The following TATDN2 variants were observed in gnomAD, a reference collection of about 807,000 sequenced individuals.
The protein encoded by TATDN2 is 3'-5' RNA nuclease TATDN2.
In TATDN2, 44 loss-of-function variants were observed where a neutral mutation model predicts 60.3. That is an observed-to-expected ratio of 0.73 (90% confidence interval 0.57 to 0.94). TATDN2 has a LOEUF of 0.94. Among genes scored for constraint, TATDN2 ranks in the 40% least tolerant of loss-of-function variants. The pLI, the probability that TATDN2 is intolerant of heterozygous loss-of-function variation, is 0.00. For missense variants in TATDN2, 997 were observed against 948.0 expected (o/e 1.05, Z -0.68); for synonymous variants, 399 against 355.8 (o/e 1.12, Z -1.37).
At chr3:10,256,170 AT>A (rs908079856) in intron 2 of TATDN2, among the ~76,000 whole-genome samples, 38 of 147,072 alleles carry the variant, frequency 2.6e-4, no homozygotes, top group Admixed American at 8.8e-4. Context: ...TATTACTATT[AT>A]TTTTTTTTTT....
At position 10,248,822 on chromosome 3, in the gene TATDN2, C is replaced by G. The variant is rs1416071097; in HGVS notation, c.-252C>G. On this transcript the variant is annotated 5_prime_UTR_variant, in exon 1 of 8. Coordinates refer to ENST00000448281, the MANE Select transcript of TATDN2 (RefSeq NM_014760.4). The stretch of plus-strand genomic sequence containing the variant: ...TGAAGCGCCATGTGGTCTTCTGAAG[C>G]GCTTGACAGTTCTAAAGGGCTTTAT... The G allele has an allele frequency of 4.4e-5, 1 of 22,542 alleles. No individual in the cohort carries two copies. The highest frequency in any genetic ancestry group is 6.5e-5 in the Non-Finnish European group (1 of 15,448). 1.4% of individuals were successfully genotyped at this position (22,542 alleles called of 1,614,324 possible).
intron 2 of TATDN2, among the ~76,000 whole-genome samples, chr3:10,254,360 G>C (rs1323074253): frequency 6.6e-6 from 1 of 152,176 alleles, no homozygotes; most frequent in East Asian, 1.9e-4. Context: ...GGACATTTCG[G>C]GCATAGGGAG....
chr3:10,249,286 C>A lies in TATDN2; in HGVS notation c.86C>A (p.Pro29His). 2 of 1,601,356 alleles carry A rather than the reference C, an allele frequency of 1.2e-6. No individual in the cohort carries two copies. The highest frequency in any genetic ancestry group is 1.7e-6 in the Non-Finnish European group (2 of 1,171,894). ...CGCAAGCGCAGCTGCCTCCGGGAGC[C>A]CTGTGATGTGGCCCCCTCCAGCCGG... ...CPRKRSCLRE[P>H]CDVAPSSRPA... Residue 29 changes from proline to histidine, a missense_variant, in exon 2 of 8, where the codon CCC (proline) becomes CAC (histidine). Pro to His is a moderately conservative substitution (Grantham distance 77). Transcript: ENST00000448281.
intron 2 of TATDN2, among the ~76,000 whole-genome samples, chr3:10,253,201 A>G (rs753727108): frequency 1.3e-4 from 19 of 151,346 alleles, no homozygotes; most frequent in African/African-American, 4.9e-5. Context: ...GAGTCTCCCT[A>G]TGTTGACCAG....
At chr3:10,267,777 T>C (rs1288696292) in intron 3 of TATDN2, among the ~76,000 whole-genome samples, 1 of 152,226 alleles carries the variant, frequency 6.6e-6, no homozygotes, top group East Asian at 1.9e-4. Context: ...CCTCCAATTA[T>C]TTTGCAGACA....
intron 3 of TATDN2, among the ~76,000 whole-genome samples, chr3:10,266,290 C>G (rs1698473943): frequency 6.6e-6 from 1 of 152,192 alleles, no homozygotes; most frequent in South Asian, 2.1e-4. Context: ...TGTTTTCTGT[C>G]TAATGTAGAT....
chr3:10,278,097 G>C lies in TATDN2; in HGVS notation c.1962-182G>C, dbSNP rs1474445245. On this transcript the variant is annotated intron_variant, in intron 5 of 7. Transcript: ENST00000448281. This position sits in a 1 kb window ranked among gnomAD's most constrained non-coding sequence, Gnocchi z 4.7. ...TGAGTGATCTCTGATCACTCACCAA[G>C]TGCCATCTCGGGGCTTCCTGTGTTG... Among the ~76,000 whole-genome samples the C allele has an allele frequency of 1.3e-5, 2 of 152,068 alleles. No homozygotes were observed. The highest frequency in any genetic ancestry group is 6.5e-5 in the Admixed American group (1 of 15,270).
chr3:10,271,428 C>T (rs1698562295), intron 4 of TATDN2, among the ~76,000 whole-genome samples: 3 of 152,086 alleles, frequency 2.0e-5, no homozygotes, highest in Admixed American at 2.0e-4. Flanking sequence ...GTTTTCCTGC[C>T]TCAGCCTCCC....
chr3:10,275,748 AAAAAC>A (rs199617801), intron 4 of TATDN2, among the ~76,000 whole-genome samples: 1 of 128,114 alleles, frequency 7.8e-6, no homozygotes, highest in African/African-American at 2.7e-5. Flanking sequence ...TCGGTCTCAA[AAAAAC>A]AAAACAAAAC....
rs1393587609 is a variant in TATDN2, at chr3:10,279,083, G to A, written c.*38+20G>A. 6.4e-7 allele frequency: 1 copy of A among 1,573,142 alleles called. No individual in the cohort carries two copies. The highest frequency in any genetic ancestry group is 8.6e-7 in the Non-Finnish European group (1 of 1,161,154). On this transcript the variant is annotated intron_variant, in intron 7 of 7. Coordinates refer to ENST00000448281, the MANE Select transcript of TATDN2 (RefSeq NM_014760.4). ...GAAAAGGTCGTAAAACTCACATTCT[G>A]TATTTTTTAAAAACCAGGACAAGTC...
Position 10,270,702 on chromosome 3 carries a change from C to A in TATDN2, c.1520C>A (p.Ser507Tyr). 1 of 1,614,218 alleles carries A rather than the reference C, an allele frequency of 6.2e-7. No homozygotes were observed. Among genetic ancestry groups the A allele is most frequent in the South Asian group, 1.1e-5 (1 of 91,088 alleles). ...DTHCHLDMLY[S>Y]KLSFQGTFTK... ...CATTGTCACCTGGACATGCTCTATT[C>A]CAAGCTATCTTTCCAAGGGACCTTT... is the stretch of plus-strand genomic sequence containing the variant. Residue 507 changes from serine (S) to tyrosine (Y), a missense_variant, in exon 4 of 8, where the codon TCC (serine) becomes TAC (tyrosine). By Grantham distance (144) the Ser-to-Tyr change is moderately radical. Coordinates refer to ENST00000448281, the MANE Select transcript of TATDN2 (RefSeq NM_014760.4).
In TATDN2 at chr3:10,278,980, C is replaced by T. The variant is rs764081902; in HGVS notation, c.2241C>T (p.Thr747=). The T allele has an allele frequency of 6.2e-7, 1 of 1,614,258 alleles. No individual in the cohort carries two copies. The highest frequency in any genetic ancestry group is 1.1e-5 in the South Asian group (1 of 91,090). The change falls in exon 7 of 8, where the codon ACC becomes ACT. Residue 747 remains threonine (T), a synonymous_variant. Coordinates refer to ENST00000448281, the MANE Select transcript of TATDN2 (RefSeq NM_014760.4). The surrounding 1 kb of genome is among the most constrained non-coding windows in gnomAD (Gnocchi z 4.7). ...TCAAAGATCAGCCACTCTCCCTCAC[C>T]TTGGCTGCCTTGCGTGAGAACACCA... The part of the protein sequence containing the change: ...ARVKDQPLSL[T]LAALRENTSR...
At position 10,278,728 on chromosome 3, in the gene TATDN2, C is replaced by G. The variant is rs1253416173; in HGVS notation, c.2146-157C>G. On this transcript the variant is annotated intron_variant, in intron 6 of 7. Coordinates refer to ENST00000448281, the MANE Select transcript of TATDN2 (RefSeq NM_014760.4). The surrounding 1 kb of genome is among the most constrained non-coding windows in gnomAD (Gnocchi z 4.7). ...AGCGTGGGACCCTGCTCACCCAGAGCCCCCATGACTAGGACTCTCCCTGCA... is the reference window on the plus strand; with the variant it reads ...AGCGTGGGACCCTGCTCACCCAGAGGCCCCATGACTAGGACTCTCCCTGCA... 2 of 1,176,236 alleles carry G rather than the reference C, an allele frequency of 1.7e-6. No homozygotes were observed. Among genetic ancestry groups the G allele is most frequent in the Non-Finnish European group, 2.5e-6 (2 of 814,978 alleles). The allele number at this position is 1,176,236 out of a possible 1,614,324, so 72.9% of individuals were successfully genotyped here.
chr3:10,254,349 A>G (rs1406040867), intron 2 of TATDN2, among the ~76,000 whole-genome samples: 1 of 152,208 alleles, frequency 6.6e-6, no homozygotes. Context: ...GGAGGGGGAC[A>G]GGACATTTCG....
At chr3:10,275,079 A>G (rs1006162486) in intron 4 of TATDN2, among the ~76,000 whole-genome samples, 6 of 146,950 alleles carry the variant, frequency 4.1e-5, no homozygotes, top group Admixed American at 2.1e-4. Flanking sequence ...TTTGCCTCCC[A>G]GGTTCAGGGG....
Position 10,249,068 on chromosome 3 carries a change from G to T in TATDN2, c.-7+1G>T. Reference sequence around the variant, plus strand: ...TGGGCAGTGGAAAGAAGAGGGAAAGGTCAGTGAGGCTAGCCCCTGGCTCTG... The same window carrying T: ...TGGGCAGTGGAAAGAAGAGGGAAAGTTCAGTGAGGCTAGCCCCTGGCTCTG... On this transcript the variant is annotated splice_donor_variant, in intron 1 of 7. Transcript: ENST00000448281. LOFTEE classifies it low-confidence loss of function (5UTR_SPLICE). 1.9e-6 allele frequency: 2 copies of T among 1,054,994 alleles called. No individual in the cohort carries two copies. Among genetic ancestry groups the T allele is most frequent in the Non-Finnish European group, 2.6e-6 (2 of 773,710 alleles). The allele number at this position is 1,054,994 out of a possible 1,614,324, so 65.4% of individuals were successfully genotyped here. A position where few individuals can be genotyped will look rare whatever the true frequency, so the allele number is the denominator to read the frequency against.
Position 10,278,356 on chromosome 3 carries a change from C to A in TATDN2, c.2039C>A (p.Ala680Glu). 6.2e-7 allele frequency: 1 copy of A among 1,614,190 alleles called. No individual in the cohort carries two copies. Among genetic ancestry groups the A allele is most frequent in the Non-Finnish European group, 8.5e-7 (1 of 1,180,022 alleles). ...YFPNMSVGFTAVLTYSSAWEA... is the reference protein window; with the variant it reads ...YFPNMSVGFTEVLTYSSAWEA... ...CCCAACATGTCTGTGGGCTTCACGGCAGTGCTGACATACTCCTCTGCCTGG... is the reference window on the plus strand; with the variant it reads ...CCCAACATGTCTGTGGGCTTCACGGAAGTGCTGACATACTCCTCTGCCTGG... Residue 680 changes from alanine to glutamate, a missense_variant, in exon 6 of 8, where the codon GCA becomes GAA. Physicochemically the swap from Ala to Glu is moderately radical, Grantham distance 107. Coordinates refer to ENST00000448281, the MANE Select transcript of TATDN2 (RefSeq NM_014760.4). The surrounding 1 kb of genome is among the most constrained non-coding windows in gnomAD (Gnocchi z 4.7).
chr3:10,255,017 C>CCCTCCT (rs1390291623), intron 2 of TATDN2, among the ~76,000 whole-genome samples: 23 of 132,504 alleles, frequency 1.7e-4, no homozygotes, highest in African/African-American at 7.0e-4. Context: ...TTCCCACTCC[C>CCCTCCT]CCTCCCCCTC....
chr3:10,270,807 C>T lies in TATDN2; in HGVS notation c.1625C>T (p.Thr542Ile), dbSNP rs1375030695. 1 of 1,614,212 alleles carries T rather than the reference C, an allele frequency of 6.2e-7. No individual in the cohort carries two copies. Among genetic ancestry groups the T allele is most frequent in the Non-Finnish European group, 8.5e-7 (1 of 1,180,032 alleles). The change falls in exon 4 of 8, where the codon ACC becomes ATC. Residue 542 changes from threonine to isoleucine, a missense_variant. Physicochemically the swap from Thr to Ile is moderately conservative, Grantham distance 89 (BLOSUM62 -1). Coordinates refer to ENST00000448281, the MANE Select transcript of TATDN2 (RefSeq NM_014760.4). ...GCISDFCDPR[T>I]LTDCLWEELL... is the part of the protein sequence containing the mutation. ...ATCTCTGACTTCTGTGATCCCCGCA[C>T]CCTGACAGATTGCCTATGGGAGGAG...
Sources: gnomAD v4.1 joint callset for allele counts (sites outside exome capture counted in the v4.1 genomes callset) on GRCh38, gnomAD v4.1.1 for gene constraint, Gnocchi (gnomAD v3.1) non-coding constraint, MANE v1.5 for transcripts, NCBI Gene and HGNC (gene_info 2026-07-23, HGNC 2026-07-21) for gene names.